Variants in DNAH9 observed in about 807,000 individuals in gnomAD.
DNAH9 encodes the protein DNAH9 variant protein.
A neutral mutation model predicts 471.6 loss-of-function variants in DNAH9; 345 were observed. The ratio of observed to expected loss-of-function variants is 0.73; its 90% CI spans 0.67 to 0.80. The LOEUF (loss-of-function observed/expected upper bound fraction) is 0.80, where lower values mean the gene tolerates loss of function less well. Ranked by LOEUF, DNAH9 falls within the 30% of genes least tolerant of loss-of-function variation. The pLI, the probability that DNAH9 is intolerant of heterozygous loss-of-function variation, is 0.00. For synonymous variants in DNAH9, 2,093 were observed against 2,123.6 expected, an observed-to-expected ratio of 0.99 and a Z score of 0.40; for missense variants, 5,407 against 5,609.2, an observed-to-expected ratio of 0.96 and a Z score of 1.15.
In DNAH9 at chr17:11,969,630, C is replaced by G. The variant is rs1470298289; in HGVS notation, c.*103C>G. The stretch of plus-strand genomic sequence containing the variant: ...CACAGACACTTAGAACGGTAAGAAA[C>G]CATGAGCACTCACAATTCTGTAGAA... On this transcript the variant is annotated 3_prime_UTR_variant, in exon 69 of 69. Transcript: ENST00000262442. 1.5e-5 allele frequency: 14 copies of G among 928,380 alleles called. No homozygotes were observed. The highest frequency in any genetic ancestry group is 2.2e-5 in the Non-Finnish European group (14 of 634,396). The allele number at this position is 928,380 out of a possible 1,614,324, so 57.5% of individuals were successfully genotyped here. A position where few individuals can be genotyped will look rare whatever the true frequency, so the allele number is the denominator to read the frequency against.
chr17:11,664,771 G>A, intron 14 of DNAH9, 62 bp from the exon 15 acceptor site: 1 of 1,379,958 alleles, frequency 7.2e-7, no homozygotes, highest in Non-Finnish European at 1.0e-6. Flanking sequence ...TTTGACTGTT[G>A]ATTACACCAG....
intron 7 of DNAH9, 79 bp from the exon 8 acceptor site, chr17:11,632,508 A>G (rs1295125492): frequency 6.9e-6 from 5 of 721,830 alleles, no homozygotes; most frequent in Non-Finnish European, 1.2e-5. Context: ...TTCAAACACA[A>G]AAGTTAGCTG....
rs2074313822 is a variant in DNAH9 at position 11,690,353 on chromosome 17, A to C, written c.4531A>C (p.Ile1511Leu). 4.3e-6 allele frequency: 7 copies of C among 1,614,128 alleles called. No homozygotes were observed. The highest frequency in any genetic ancestry group is 5.1e-6 in the Non-Finnish European group (6 of 1,180,014). ...GTCCACAGTGGACGCTGTCATCTCTATCTGGTTTGAAGTGCAGCGAACATG... is the reference window on the plus strand; with the variant it reads ...GTCCACAGTGGACGCTGTCATCTCTCTCTGGTTTGAAGTGCAGCGAACATG... The part of the protein sequence containing the change: ...KLSTVDAVIS[I>L]WFEVQRTWTH... The change falls in exon 20 of 69, where the codon ATC becomes CTC. Residue 1511 changes from isoleucine to leucine, a missense_variant. Physicochemically the swap from Ile to Leu is conservative, Grantham distance 5 (BLOSUM62 2). Coordinates refer to ENST00000262442, the MANE Select transcript of DNAH9 (RefSeq NM_001372.4).
intron 67 of DNAH9, chr17:11,953,919 A>T (rs1975514305): frequency 6.6e-6 from 1 of 152,076 alleles, no homozygotes; most frequent in East Asian, 1.9e-4. Flanking sequence ...ATATTTATTA[A>T]AAGACGCAAA....
chr17:11,635,066 G>T (rs531965527), intron 8 of DNAH9, among the ~76,000 whole-genome samples: 1 of 152,238 alleles, frequency 6.6e-6, no homozygotes, highest in East Asian at 1.9e-4. Flanking sequence ...TAAAGCAAGG[G>T]TTCCACATTT....
At chr17:11,779,104 G>A (rs148792762) in intron 38 of DNAH9, among the ~76,000 whole-genome samples, 1 of 152,248 alleles carries the variant, frequency 6.6e-6, no homozygotes, top group East Asian at 1.9e-4. Context: ...CAGCTGACAC[G>A]GGTCTGTGTG....
intron 28 of DNAH9, among the ~76,000 whole-genome samples, chr17:11,734,023 G>A (rs543433196): frequency 1.1e-3 from 169 of 152,254 alleles, no homozygotes; most frequent in Non-Finnish European, 1.6e-3. Context: ...ACTGGGATGG[G>A]GCAGCGTGGC....
chr17:11,779,892 T>C (rs1968605129), intron 38 of DNAH9, among the ~76,000 whole-genome samples: 1 of 152,232 alleles, frequency 6.6e-6, no homozygotes, highest in East Asian at 1.9e-4. Flanking sequence ...AATTAGAATA[T>C]TCGAGCTTCT....
intron 22 of DNAH9, among the ~76,000 whole-genome samples, chr17:11,695,759 A>T (rs1309816783): frequency 6.6e-6 from 1 of 152,118 alleles, no homozygotes; most frequent in Non-Finnish European, 1.5e-5. Context: ...AGAGCTGGAG[A>T]ATTTGCATTT....
At chr17:11,757,517 C>T (rs1160930946) in intron 34 of DNAH9, 28 bp from the exon 35 acceptor site, 2 of 1,593,986 alleles carry the variant, frequency 1.3e-6, no homozygotes, top group Middle Eastern at 1.7e-4. Flanking sequence ...ATGGAATATT[C>T]ACTAAACTGT....
intron 49 of DNAH9, among the ~76,000 whole-genome samples, chr17:11,838,565 G>C (rs1307230248): frequency 6.6e-6 from 1 of 152,144 alleles, no homozygotes; most frequent in Admixed American, 6.5e-5. Context: ...AACGACCTCT[G>C]TGAAGACCCA....
chr17:11,738,889 A>T lies in DNAH9; in HGVS notation c.5824A>T (p.Ile1942Phe). The change falls in exon 29 of 69, where the codon ATT becomes TTT. Residue 1942 changes from isoleucine (I) to phenylalanine (F), a missense_variant. By Grantham distance (21) the Ile-to-Phe change is conservative. Transcript: ENST00000262442. ...TTGATTGGTTCACCAGGTAAAAAGC[A>T]TTCAAGATGCGATTAGAGATAAGAA... is the stretch of plus-strand genomic sequence containing the variant. ...LSVVAVQVKS[I>F]QDAIRDKKQW... 1 of 1,614,082 alleles carries T rather than the reference A, an allele frequency of 6.2e-7. No homozygotes were observed. Among genetic ancestry groups the T allele is most frequent in the Non-Finnish European group, 8.5e-7 (1 of 1,179,962 alleles).
At chr17:11,616,570 G>T (rs2072749288) in intron 4 of DNAH9, among the ~76,000 whole-genome samples, 1 of 152,172 alleles carries the variant, frequency 6.6e-6, no homozygotes, top group African/African-American at 2.4e-5. Context: ...CTGGTTAAAG[G>T]CCCCTTTCTT....
At chr17:11,733,208 G>A (rs1403413639) in intron 28 of DNAH9, among the ~76,000 whole-genome samples, 1 of 152,186 alleles carries the variant, frequency 6.6e-6, no homozygotes, top group African/African-American at 2.4e-5. Context: ...AATGACCACA[G>A]GGGACCACAA....
intron 19 of DNAH9, among the ~76,000 whole-genome samples, chr17:11,681,385 T>C (rs1286400473): frequency 6.6e-6 from 1 of 152,148 alleles, no homozygotes; most frequent in Non-Finnish European, 1.5e-5. Flanking sequence ...GGTCTTTACA[T>C]AAACAAAGCA....
At position 11,881,290 on chromosome 17, in the gene DNAH9, C is replaced by T; in HGVS notation, c.10683C>T (p.His3561=). 6.2e-7 allele frequency: 1 copy of T among 1,614,202 alleles called. No individual in the cohort carries two copies. ...LILHTKLANP[H]YQPELQAQAT... Reference sequence around the variant, plus strand: ...TCCACACCAAGCTGGCTAATCCTCACTACCAGCCTGAGCTGCAGGCTCAGG... The same window carrying T: ...TCCACACCAAGCTGGCTAATCCTCATTACCAGCCTGAGCTGCAGGCTCAGG... Residue 3561 remains histidine (H), a synonymous_variant, in exon 55 of 69, where the codon CAC becomes CAT. Transcript: ENST00000262442.
At position 11,689,707 on chromosome 17, in the gene DNAH9, C is replaced by A. The variant is rs2074299510; in HGVS notation, c.3885C>A (p.Cys1295Ter). Reference protein sequence around the residue: ...NVPDYKQLRQCRKEVCQLKEL... With the variant: ...NVPDYKQLRQ Reference sequence around the variant, plus strand: ...CTGACTATAAGCAGCTGAGGCAGTGCAGGAAGGAGGTCTGCCAGCTGAAGG... The same window carrying A: ...CTGACTATAAGCAGCTGAGGCAGTGAAGGAAGGAGGTCTGCCAGCTGAAGG... Residue 1295 changes from cysteine (C) to a stop codon, truncating the protein, a stop_gained, in exon 20 of 69, where the codon TGC becomes TGA. Transcript: ENST00000262442. LOFTEE classifies it high-confidence loss of function. 11 of 1,614,070 alleles carry A rather than the reference C, an allele frequency of 6.8e-6. No homozygotes were observed. The highest frequency in any genetic ancestry group is 1.3e-5 in the African/African-American group (1 of 74,928).
chr17:11,657,925 A>G (rs770593341), intron 14 of DNAH9, among the ~76,000 whole-genome samples: 11 of 152,044 alleles, frequency 7.2e-5, no homozygotes, highest in Middle Eastern at 3.2e-3. Context: ...ATTGATTATC[A>G]GTAAGTCTGA....
At chr17:11,639,077 C>T (rs1009389583) in intron 9 of DNAH9, among the ~76,000 whole-genome samples, 2 of 152,222 alleles carry the variant, frequency 1.3e-5, no homozygotes, top group Non-Finnish European at 2.9e-5. Flanking sequence ...AGGTCTGGCC[C>T]ACCCAGGGTC....
Sources: gnomAD v4.1 joint callset for allele counts (sites outside exome capture counted in the v4.1 genomes callset) on GRCh38, gnomAD v4.1.1 for gene constraint, MANE v1.5 for transcripts, NCBI Gene and HGNC (gene_info 2026-07-23, HGNC 2026-07-21) for gene names.